The following ALX3 variants were observed in gnomAD, a reference collection of about 807,000 sequenced individuals.
The protein encoded by ALX3 is homeobox protein aristaless-like 3.
A neutral mutation model predicts 26.3 loss-of-function variants in ALX3; 17 were observed. That is an observed-to-expected ratio of 0.65 (90% CI 0.44 to 0.97). ALX3 has a LOEUF of 0.97. Among genes scored for constraint, ALX3 ranks in the 50% least tolerant of loss-of-function variants. The probability of loss-of-function intolerance (pLI) is 0.00; values close to 1 mark genes in which losing one functional copy is unlikely to be tolerated. For synonymous variants in ALX3, 208 were observed against 201.4 expected (o/e 1.03, Z -0.28); for missense variants, 461 against 466.5 (o/e 0.99, Z 0.11).
In ALX3 at chr1:110,070,517, G is replaced by T. The variant is rs1266395205; in HGVS notation, c.96C>A (p.Pro32=). ...GDEPPGPQGT[P]AAAPHLHPAP... is the part of the protein sequence containing the mutation. ...CGGGGTGCAGGTGAGGCGCAGCGGCGGGGGTTCCCTGCGGGCCCGGAGGCT... is the reference window on the plus strand; with the variant it reads ...CGGGGTGCAGGTGAGGCGCAGCGGCTGGGGTTCCCTGCGGGCCCGGAGGCT... The change falls in exon 1 of 4, where the codon CCC becomes CCA. Residue 32 remains proline, a synonymous_variant. Transcript: ENST00000647563. 1.6e-6 allele frequency: 2 copies of T among 1,284,988 alleles called. No homozygotes were observed. Among genetic ancestry groups the T allele is most frequent in the Non-Finnish European group, 2.0e-6 (2 of 1,016,924 alleles). 79.6% of individuals were successfully genotyped at this position (1,284,988 alleles called of 1,614,324 possible). A position where few individuals can be genotyped will look rare whatever the true frequency, so the allele number is the denominator to read the frequency against.
intron 1 of ALX3, among the ~76,000 whole-genome samples, chr1:110,069,059 G>A (rs1570940289): frequency 6.6e-6 from 1 of 152,330 alleles, no homozygotes; most frequent in East Asian, 1.9e-4. Context: ...ACCTGTCTCT[G>A]GCGGTGCTCA....
Position 110,070,508 on chromosome 1 carries a change from C to A in ALX3, c.105G>T (p.Ala35=). The change falls in exon 1 of 4, where the codon GCG becomes GCT. Residue 35 remains alanine, a synonymous_variant. Transcript: ENST00000647563. ...GGGGCGGCGCGGGGTGCAGGTGAGG[C>A]GCAGCGGCGGGGGTTCCCTGCGGGC... ...PPGPQGTPAA[A]PHLHPAPPRG... is the part of the protein sequence containing the mutation. 3 of 1,280,740 alleles carry A rather than the reference C, an allele frequency of 2.3e-6. No individual in the cohort carries two copies. Among genetic ancestry groups the A allele is most frequent in the East Asian group, 3.2e-5 (1 of 31,558 alleles). The allele number at this position is 1,280,740 out of a possible 1,614,324, so 79.3% of individuals were successfully genotyped here. A position where few individuals can be genotyped will look rare whatever the true frequency, so the allele number is the denominator to read the frequency against.
chr1:110,065,922 G>A (rs1653770527), intron 1 of ALX3, among the ~76,000 whole-genome samples: 1 of 152,218 alleles, frequency 6.6e-6, no homozygotes, highest in South Asian at 2.1e-4. Context: ...ACCCCCAGCG[G>A]TGTCCCCATG....
In ALX3 at chr1:110,060,650, G is replaced by T; in HGVS notation, c.*83C>A. ...CTCTCGCAGCCTCCAGAACCATCTG[G>T]GGCTTGGAGGCAGAGGTGGGCTGGG... is the stretch of plus-strand genomic sequence containing the variant. On this transcript the variant is annotated 3_prime_UTR_variant, in exon 4 of 4. Coordinates refer to ENST00000647563, the MANE Select transcript of ALX3 (RefSeq NM_006492.3). 1 of 304,042 alleles carries T rather than the reference G, an allele frequency of 3.3e-6. No homozygotes were observed. The highest frequency in any genetic ancestry group is 4.1e-6 in the Non-Finnish European group (1 of 244,842). The allele number at this position is 304,042 out of a possible 1,614,324, so 18.8% of individuals were successfully genotyped here. A position where few individuals can be genotyped will look rare whatever the true frequency, so the allele number is the denominator to read the frequency against.
At position 110,070,422 on chromosome 1, in the gene ALX3, G is replaced by A. The variant is rs372506798; in HGVS notation, c.191C>T (p.Pro64Leu). The change falls in exon 1 of 4, where the codon CCG (proline) becomes CTG (leucine). Residue 64 changes from proline (P) to leucine (L), a missense_variant. Physicochemically the swap from Pro to Leu is moderately conservative, Grantham distance 98. This residue lies in a region of ALX3 where 241 missense variants were observed against 206.1 expected (regional missense o/e 1.17). Transcript: ENST00000647563. ...CAGGTACTTGGCGGGCGGCTTGGCCGGCTCTGGGAGGTAGGGCTCCAGGGG... is the reference window on the plus strand; with the variant it reads ...CAGGTACTTGGCGGGCGGCTTGGCCAGCTCTGGGAGGTAGGGCTCCAGGGG... ...CGPLEPYLPEPAKPPAKYLQD... is the reference protein window; with the variant it reads ...CGPLEPYLPELAKPPAKYLQD... The A allele has an allele frequency of 1.7e-5, 22 of 1,269,502 alleles. No individual in the cohort carries two copies. In the African/African-American group the frequency reaches 3.3e-4, roughly 19 times the overall value. 78.6% of individuals were successfully genotyped at this position (1,269,502 alleles called of 1,614,324 possible).
chr1:110,066,273 G>T (rs1653779048), intron 1 of ALX3, among the ~76,000 whole-genome samples: 1 of 152,226 alleles, frequency 6.6e-6, no homozygotes, highest in African/African-American at 2.4e-5. Context: ...TAAGCTCCTG[G>T]TGTGTGTCCT....
chr1:110,063,962 G>C (rs983425502), intron 2 of ALX3, among the ~76,000 whole-genome samples: 14 of 151,976 alleles, frequency 9.2e-5, no homozygotes, highest in African/African-American at 3.4e-4. Flanking sequence ...GGGAAGCCCT[G>C]GCACCTGATC....
Position 110,064,803 on chromosome 1 carries a change from G to A in ALX3, c.378C>T (p.Gly126=). The part of the protein sequence containing the change: ...DGPSNLQGSP[G]PCLASLHLPL... Reference sequence around the variant, plus strand: ...GAAGATGCAGGCTGGCCAGGCAGGGGCCTGGGGAGCCTTGCAAGTTAGAGG... The same window carrying A: ...GAAGATGCAGGCTGGCCAGGCAGGGACCTGGGGAGCCTTGCAAGTTAGAGG... The change falls in exon 2 of 4, where the codon GGC becomes GGT. Residue 126 remains glycine, a synonymous_variant. Coordinates refer to ENST00000647563, the MANE Select transcript of ALX3 (RefSeq NM_006492.3). 6.2e-7 allele frequency: 1 copy of A among 1,613,994 alleles called. No homozygotes were observed. The highest frequency in any genetic ancestry group is 8.5e-7 in the Non-Finnish European group (1 of 1,180,012).
intron 2 of ALX3, among the ~76,000 whole-genome samples, chr1:110,063,157 A>G (rs1056220305): frequency 6.6e-6 from 1 of 152,158 alleles, no homozygotes; most frequent in African/African-American, 2.4e-5. Context: ...CTCAGGTTGA[A>G]AAGGCCTAGG....
Position 110,064,704 on chromosome 1 carries a change from G to A in ALX3, c.477C>T (p.Thr159=). Residue 159 remains threonine, a synonymous_variant, in exon 2 of 4, where the codon ACC becomes ACT. Transcript: ENST00000647563. ...GCTCCTCCAGCTGGAATGTGCTGAA[G>A]GTCGTGCGGTTACGACGCTTCTTGC... ...NKSKKRRNRT[T]FSTFQLEELE... is the part of the protein sequence containing the mutation. 6.2e-7 allele frequency: 1 copy of A among 1,614,232 alleles called. No individual in the cohort carries two copies. The highest frequency in any genetic ancestry group is 1.3e-5 in the African/African-American group (1 of 75,068).
At chr1:110,070,009 G>C (rs1201283672) in intron 1 of ALX3, among the ~76,000 whole-genome samples, 3 of 152,158 alleles carry the variant, frequency 2.0e-5, no homozygotes, top group Non-Finnish European at 4.4e-5. Flanking sequence ...GTCCAACTTC[G>C]GCAGAGCATG....
At chr1:110,064,219 G>A (rs1178535580) in intron 2 of ALX3, among the ~76,000 whole-genome samples, 1 of 152,188 alleles carries the variant, frequency 6.6e-6, no homozygotes, top group African/African-American at 2.4e-5. Flanking sequence ...TGATCCTCAG[G>A]ATAGTCCCTA....
intron 1 of ALX3, among the ~76,000 whole-genome samples, chr1:110,066,105 ATCACAG>A (rs1653774678): frequency 6.6e-6 from 1 of 152,218 alleles, no homozygotes; most frequent in Non-Finnish European, 1.5e-5. Context: ...TGGTGTCAGG[ATCACAG>A]CTGTGGTTGG....
At chr1:110,070,279 G>C (rs1370163770) in intron 1 of ALX3, 57 bp downstream of exon 1, 12 of 1,286,464 alleles carry the variant, frequency 9.3e-6, no homozygotes, top group African/African-American at 1.5e-5. Flanking sequence ...GGTGGGCCCG[G>C]GTAAGGAAGA....
intron 2 of ALX3, among the ~76,000 whole-genome samples, chr1:110,064,349 G>T (rs977971087): frequency 2.0e-5 from 3 of 152,194 alleles, no homozygotes; most frequent in Admixed American, 6.5e-5. Context: ...ACAGGTGATG[G>T]CTTCCAGAGG....
intron 1 of ALX3, 57 bp from the exon 2 acceptor site, chr1:110,064,960 T>G: frequency 2.7e-6 from 4 of 1,499,966 alleles, no homozygotes; most frequent in Non-Finnish European, 2.7e-6. Flanking sequence ...TTTTGTGGGT[T>G]GGAATGGAGG....
intron 1 of ALX3, among the ~76,000 whole-genome samples, chr1:110,067,720 G>A (rs60175087): frequency 0.012 from 1,841 of 152,362 alleles, 40 homozygotes; most frequent in African/African-American, 0.042. Context: ...CCACTGTGGG[G>A]TCACTAAGCG....
intron 2 of ALX3, among the ~76,000 whole-genome samples, chr1:110,063,881 T>C (rs1404800685): frequency 6.6e-6 from 1 of 151,944 alleles, no homozygotes; most frequent in Non-Finnish European, 1.5e-5. Context: ...TTCCCTTGCC[T>C]TCCTCCCTTC....
At chr1:110,068,997 G>A (rs1434758539) in intron 1 of ALX3, among the ~76,000 whole-genome samples, 1 of 152,190 alleles carries the variant, frequency 6.6e-6, no homozygotes, top group Non-Finnish European at 1.5e-5. Context: ...GCAGGGACGC[G>A]GGCCTGGGGG....
Sources: gnomAD v4.1 joint callset for allele counts (sites outside exome capture counted in the v4.1 genomes callset) on GRCh38, gnomAD v4.1.1 for gene constraint, gnomAD v4.1.1 regional missense constraint, MANE v1.5 for transcripts, NCBI Gene and HGNC (gene_info 2026-07-23, HGNC 2026-07-21) for gene names.